CLN6: variants seen among roughly 807,000 people sequenced by gnomAD.
CLN6 encodes CLN6 transmembrane ER protein, also known as ceroid-lipofuscinosis neuronal protein 6.
CLN6 carries 22 observed loss-of-function variants against 33.3 expected under a neutral mutation model. That is an observed-to-expected ratio of 0.66 (90% confidence interval 0.47 to 0.94). The LOEUF (loss-of-function observed/expected upper bound fraction) is 0.94, where lower values mean the gene tolerates loss of function less well. Among genes scored for constraint, CLN6 ranks in the 40% least tolerant of loss-of-function variants. The pLI is 0.00. For missense variants in CLN6, 387 were observed against 417.1 expected (o/e 0.93, Z 0.63); for synonymous variants, 201 against 174.6 (o/e 1.15, Z -1.19).
At position 68,242,501 on chromosome 15, in the gene CLN6, A is replaced by C. The variant is rs1892288496; in HGVS notation, c.179+14189T>G. ...AGGGAGTTGAGCAAGAACAAGGGGT[A>C]CAGAACTTACTTAAATAAATAATAA... On this transcript the variant is annotated intron_variant, in intron 1 of 6. Transcript: ENST00000538696. The surrounding 1 kb of genome is among the most constrained non-coding windows in gnomAD (Gnocchi z 5.0). Among the ~76,000 whole-genome samples, 1 of 152,168 alleles carries C rather than the reference A, an allele frequency of 6.6e-6. No individual in the cohort carries two copies.
chr15:68,213,250 T>G (rs1197162385), intron 3 of CLN6: 1 of 150,114 alleles, frequency 6.7e-6, no homozygotes, highest in African/African-American at 2.5e-5. Flanking sequence ...TTCTTTTTCT[T>G]TTTTTTGAGA....
Position 68,209,752 on chromosome 15 carries a change from G to A in CLN6, c.550C>T (p.Pro184Ser). The A allele has an allele frequency of 6.2e-7, 1 of 1,613,358 alleles. No homozygotes were observed. Among genetic ancestry groups the A allele is most frequent in the South Asian group, 1.1e-5 (1 of 91,020 alleles). The stretch of plus-strand genomic sequence containing the variant: ...TACATGAAGAGGATGAGGAAGAAGG[G>A]GATGTACCTGTGACAGGAAGGCCAG... ...EYLGHCMWYI[P>S]FFLILFMYFS... The change falls in exon 6 of 7, where the codon CCC becomes TCC. Residue 184 changes from proline to serine, a missense_variant. Physicochemically the swap from Pro to Ser is moderately conservative, Grantham distance 74 (BLOSUM62 -1). Coordinates refer to ENST00000249806, the MANE Select transcript of CLN6 (RefSeq NM_017882.3). This position sits in a 1 kb window ranked among gnomAD's most constrained non-coding sequence, Gnocchi z 4.9.
At chr15:68,253,724 C>A (rs1341332641) in intron 1 of CLN6, among the ~76,000 whole-genome samples, 5 of 152,220 alleles carry the variant, frequency 3.3e-5, no homozygotes, top group African/African-American at 1.2e-4. Flanking sequence ...GACAGTGACA[C>A]AAATGTCGGC....
rs1012153030 is a variant in CLN6 at position 68,227,199 on chromosome 15, G to C, written c.83+2303C>G. On this transcript the variant is annotated intron_variant, in intron 1 of 6. Transcript: ENST00000249806. The surrounding 1 kb of genome is among the most constrained non-coding windows in gnomAD (Gnocchi z 4.1). ...ATTACAGGCATGGGCCATCACACCT[G>C]GATAATTTTTGTATTTTTTAGTAGA... Among the ~76,000 whole-genome samples the C allele has an allele frequency of 6.6e-6, 1 of 151,772 alleles. No individual in the cohort carries two copies. Among genetic ancestry groups the C allele is most frequent in the Non-Finnish European group, 1.5e-5 (1 of 67,994 alleles).
chr15:68,210,878 C>T lies in CLN6; in HGVS notation c.542+385G>A, dbSNP rs10468043. On this transcript the variant is annotated intron_variant, in intron 5 of 6. Coordinates refer to ENST00000249806, the MANE Select transcript of CLN6 (RefSeq NM_017882.3). This position sits in a 1 kb window ranked among gnomAD's most constrained non-coding sequence, Gnocchi z 5.6. Reference sequence around the variant, plus strand: ...TGGGGGTCCCTGGCTGTGCCCCCACCCCCTGCCATCACCATCTGGGGGTTG... The same window carrying T: ...TGGGGGTCCCTGGCTGTGCCCCCACTCCCTGCCATCACCATCTGGGGGTTG... 0.48 allele frequency among the ~76,000 whole-genome samples: 73,055 copies of T among 151,922 alleles called. 18,348 individuals carry two copies. The highest frequency in any genetic ancestry group is 0.56 in the Non-Finnish European group (37,834 of 67,890).
At position 68,207,574 on chromosome 15, in the gene CLN6, C is replaced by T. The variant is rs1382592347; in HGVS notation, c.*566G>A. The T allele has an allele frequency of 5.5e-6, 1 of 181,642 alleles. No individual in the cohort carries two copies. Among genetic ancestry groups the T allele is most frequent in the Non-Finnish European group, 1.2e-5 (1 of 84,542 alleles). The allele number at this position is 181,642 out of a possible 1,614,324, so 11.3% of individuals were successfully genotyped here. ...CTGCACCCAAGGGGTGTCAGCAACC[C>T]CAACCTACTGACCTACTTTGGGACC... is the stretch of plus-strand genomic sequence containing the variant. On this transcript the variant is annotated 3_prime_UTR_variant, in exon 7 of 7. Transcript: ENST00000249806.
chr15:68,227,984 G>C lies in CLN6; in HGVS notation c.83+1518C>G, dbSNP rs2093257149. 6.6e-6 allele frequency among the ~76,000 whole-genome samples: 1 copy of C among 152,202 alleles called. No homozygotes were observed. The highest frequency in any genetic ancestry group is 6.5e-5 in the Admixed American group (1 of 15,288). On this transcript the variant is annotated intron_variant, in intron 1 of 6. Transcript: ENST00000249806. This position sits in a 1 kb window ranked among gnomAD's most constrained non-coding sequence, Gnocchi z 4.1. ...CTGGAAGAGGGGAGCTGGTAAATGG[G>C]TTGGGTCACAGCAGAGATGAAACCA... is the stretch of plus-strand genomic sequence containing the variant.
intron 1 of CLN6, chr15:68,254,498 T>A: frequency 2.9e-6 from 1 of 343,286 alleles, no homozygotes; most frequent in Non-Finnish European, 5.5e-6. Flanking sequence ...AAATGTCTCT[T>A]AATAAATTTT....
chr15:68,218,448 G>T, intron 2 of CLN6, 88 bp downstream of exon 2: 1 of 928,276 alleles, frequency 1.1e-6, no homozygotes, highest in Non-Finnish European at 1.8e-6. Flanking sequence ...TAAAGGAGAA[G>T]TGACTTGTCT....
Position 68,256,349 on chromosome 15 carries a change from TC to T in CLN6, c.179+340del, listed in dbSNP as rs1307966429. 6.6e-6 allele frequency among the ~76,000 whole-genome samples: 1 copy of T among 152,068 alleles called. No individual in the cohort carries two copies. Among genetic ancestry groups the T allele is most frequent in the African/African-American group, 2.4e-5 (1 of 41,406 alleles). On this transcript the variant is annotated intron_variant, in intron 1 of 6. Transcript: ENST00000538696. This position sits in a 1 kb window ranked among gnomAD's most constrained non-coding sequence, Gnocchi z 4.1. ...GTTGAGAACTCCTGACCTCAAGTGA[TC>T]CGCCTGCCTCTGCCTCCCAAAGTGC...
Position 68,208,215 on chromosome 15 carries a change from C to T in CLN6, c.861G>A (p.Arg287=). 1.2e-6 allele frequency: 2 copies of T among 1,613,274 alleles called. No individual in the cohort carries two copies. The highest frequency in any genetic ancestry group is 1.7e-6 in the Non-Finnish European group (2 of 1,179,792). The change falls in exon 7 of 7, where the codon AGG becomes AGA. Residue 287 remains arginine, a synonymous_variant. Coordinates refer to ENST00000249806, the MANE Select transcript of CLN6 (RefSeq NM_017882.3). The surrounding 1 kb of genome is among the most constrained non-coding windows in gnomAD (Gnocchi z 5.8). ...CGTAGATGACACCCGGGTACTTCTT[C>T]CTGAGAACAGGGTCATTCCACAGCC... is the stretch of plus-strand genomic sequence containing the variant. ...VAWLWNDPVL[R]KKYPGVIYVP...
chr15:68,254,437 G>A, intron 1 of CLN6: 1 of 278,672 alleles, frequency 3.6e-6, no homozygotes, highest in Non-Finnish European at 7.0e-6. Context: ...AAGATGTGCT[G>A]TAAGTATGAA....
intron 1 of CLN6, chr15:68,255,011 T>A: frequency 1.4e-6 from 1 of 717,710 alleles, no homozygotes; most frequent in East Asian, 2.5e-5. Context: ...ACCTTTTTTT[T>A]AAGCTATGTT....
chr15:68,215,809 C>T (rs1407748869), intron 2 of CLN6, among the ~76,000 whole-genome samples: 1 of 151,978 alleles, frequency 6.6e-6, no homozygotes. Context: ...AAGCAAAATC[C>T]CATTATGGTT....
chr15:68,226,149 C>A (rs2093251219), intron 1 of CLN6, among the ~76,000 whole-genome samples: 3 of 151,688 alleles, frequency 2.0e-5, no homozygotes, highest in Admixed American at 2.0e-4. Context: ...GAAACGCCGT[C>A]TCTACTAAAA....
At chr15:68,214,628 A>G (rs2093215749) in intron 2 of CLN6, 1 of 495,830 alleles carries the variant, frequency 2.0e-6, no homozygotes, top group Admixed American at 3.0e-5. Context: ...CACAGAGCAG[A>G]TGCAATTCCA....
chr15:68,245,032 C>CAAAAAAAA (rs34008952), intron 1 of CLN6, among the ~76,000 whole-genome samples: 2 of 101,112 alleles, frequency 2.0e-5, no homozygotes, highest in African/African-American at 3.7e-5. Flanking sequence ...AAGACTCTGA[C>CAAAAAAAA]AAAAAAAAAA....
chr15:68,241,792 G>T lies in CLN6; in HGVS notation c.179+14898C>A, dbSNP rs1358505832. Reference sequence around the variant, plus strand: ...CATACTGCCAGGATATCTGCTCTGGGACCTCCCCCATTTGGAACTTCAGTG... The same window carrying T: ...CATACTGCCAGGATATCTGCTCTGGTACCTCCCCCATTTGGAACTTCAGTG... On this transcript the variant is annotated intron_variant, in intron 1 of 6. Transcript: ENST00000538696. This position sits in a 1 kb window ranked among gnomAD's most constrained non-coding sequence, Gnocchi z 4.2. Among the ~76,000 whole-genome samples, 1 of 152,108 alleles carries T rather than the reference G, an allele frequency of 6.6e-6. No individual in the cohort carries two copies. The highest frequency in any genetic ancestry group is 1.5e-5 in the Non-Finnish European group (1 of 68,024).
intron 1 of CLN6, among the ~76,000 whole-genome samples, chr15:68,222,636 G>A (rs963876898): frequency 1.3e-4 from 20 of 152,218 alleles, no homozygotes; most frequent in Admixed American, 6.5e-4. Flanking sequence ...AAGAGACAGC[G>A]ACCATTGAGA....
Sources: gnomAD v4.1 joint callset for allele counts (sites outside exome capture counted in the v4.1 genomes callset) on GRCh38, gnomAD v4.1.1 for gene constraint, Gnocchi (gnomAD v3.1) non-coding constraint, MANE v1.5 for transcripts, NCBI Gene and HGNC (gene_info 2026-07-23, HGNC 2026-07-21) for gene names.